The following BRINP3 variants were observed in gnomAD, a reference collection of about 807,000 sequenced individuals.
The protein encoded by BRINP3 is BMP/retinoic acid-inducible neural-specific protein 3.
In BRINP3, 19 loss-of-function variants were observed where a neutral mutation model predicts 71.0. The observed-to-expected ratio is 0.27, with a 90% CI of 0.19 to 0.39. The LOEUF (loss-of-function observed/expected upper bound fraction) is 0.39. Among genes scored for constraint, BRINP3 ranks in the 10% least tolerant of loss-of-function variants. The pLI is 1.00. For missense variants in BRINP3, 959 were observed against 940.8 expected (o/e 1.02, Z -0.25); for synonymous variants, 380 against 337.7 (o/e 1.13, Z -1.37).
chr1:190,258,997 T>C (rs767560212), intron 4 of BRINP3, among the ~76,000 whole-genome samples: 1 of 152,092 alleles, frequency 6.6e-6, no homozygotes, highest in African/African-American at 2.4e-5. Flanking sequence ...GAGATTGAAC[T>C]AATAACCAAA....
rs1165744112 is a variant in BRINP3, at chr1:190,358,401, A to C, written c.237-76651T>G. Among the ~76,000 whole-genome samples, 5 of 152,216 alleles carry C rather than the reference A, an allele frequency of 3.3e-5. No individual in the cohort carries two copies. The East Asian group carries it at 9.6e-4, about 29-fold the overall frequency. On this transcript the variant is annotated intron_variant, in intron 2 of 7. Transcript: ENST00000367462. ...GAAGACATTTATGCAGCCAACAGAC[A>C]CATGAAAAAATGCTCATCAACACTG...
chr1:190,211,531 G>A (rs987032505), intron 6 of BRINP3, among the ~76,000 whole-genome samples: 3 of 152,024 alleles, frequency 2.0e-5, no homozygotes, highest in African/African-American at 4.8e-5. Context: ...ACTCAATCAG[G>A]ATATAATATG....
chr1:190,305,502 C>T (rs542971638), intron 2 of BRINP3, among the ~76,000 whole-genome samples: 3 of 151,630 alleles, frequency 2.0e-5, no homozygotes, highest in South Asian at 2.1e-4. Context: ...GGCACAGAAA[C>T]GCATATACTG....
At chr1:190,282,874 C>G (rs1394404780) in intron 2 of BRINP3, among the ~76,000 whole-genome samples, 3 of 151,842 alleles carry the variant, frequency 2.0e-5, no homozygotes, top group Non-Finnish European at 2.9e-5. Flanking sequence ...TGAAGTGTGG[C>G]CATATTTTAC....
intron 2 of BRINP3, among the ~76,000 whole-genome samples, chr1:190,294,621 CTTTA>C (rs1419672280): frequency 1.3e-5 from 2 of 152,070 alleles, no homozygotes; most frequent in Non-Finnish European, 2.9e-5. Flanking sequence ...GTGACTGGCA[CTTTA>C]TTTAATCAAT....
intron 2 of BRINP3, among the ~76,000 whole-genome samples, chr1:190,449,723 T>C (rs1030310357): frequency 2.0e-5 from 3 of 152,172 alleles, no homozygotes; most frequent in Admixed American, 6.5e-5. Flanking sequence ...ACTGCACTGA[T>C]ATGTAGTGGT....
intron 2 of BRINP3, among the ~76,000 whole-genome samples, chr1:190,378,777 G>A (rs757778814): frequency 2.0e-5 from 3 of 152,156 alleles, no homozygotes; most frequent in Non-Finnish European, 4.4e-5. Context: ...GCAACAGTGA[G>A]TCAAGTTTGC....
At chr1:190,316,516 A>T (rs1220765331) in intron 2 of BRINP3, among the ~76,000 whole-genome samples, 1 of 152,134 alleles carries the variant, frequency 6.6e-6, no homozygotes, top group African/African-American at 2.4e-5. Context: ...ATAAGTTATG[A>T]TTATACACAG....
In BRINP3 at chr1:190,277,087, TTATA is replaced by T. The variant is rs1222129309; in HGVS notation, c.427+4469_427+4472del. Among the ~76,000 whole-genome samples, 124 of 36,032 alleles carry T rather than the reference TTATA, an allele frequency of 3.4e-3. 14 individuals are homozygous for T. Among genetic ancestry groups the T allele is most frequent in the Admixed American group, 8.7e-3 (17 of 1,954 alleles). The allele number at this position is 36,032 out of a possible 152,430, so 23.6% of individuals were successfully genotyped here. ...TTTGATCCTGAAATAAATTTTGGTT[TTATA>T]TATATATATATATATATATATATAT... On this transcript the variant is annotated intron_variant, in intron 3 of 7. Coordinates refer to ENST00000367462, the MANE Select transcript of BRINP3 (RefSeq NM_199051.3).
chr1:190,231,956 G>A (rs1658034398), intron 5 of BRINP3, among the ~76,000 whole-genome samples: 1 of 151,846 alleles, frequency 6.6e-6, no homozygotes. Context: ...AATGAAAGAG[G>A]AGAGTTTCAG....
At chr1:190,425,813 T>C (rs1673666514) in intron 2 of BRINP3, among the ~76,000 whole-genome samples, 2 of 151,792 alleles carry the variant, frequency 1.3e-5, no homozygotes, top group Admixed American at 6.6e-5. Flanking sequence ...AATGTTGATT[T>C]GTGCCTTTCT....
chr1:190,311,310 C>T (rs923419689), intron 2 of BRINP3, among the ~76,000 whole-genome samples: 1 of 151,586 alleles, frequency 6.6e-6, no homozygotes, highest in African/African-American at 2.4e-5. Context: ...ATGAGGAAAG[C>T]ATCCAAGGCT....
chr1:190,310,359 A>T (rs1175716253), intron 2 of BRINP3, among the ~76,000 whole-genome samples: 1 of 151,684 alleles, frequency 6.6e-6, no homozygotes, highest in East Asian at 1.9e-4. Context: ...TGAAAATACT[A>T]ATTTGTGATC....
intron 6 of BRINP3, among the ~76,000 whole-genome samples, chr1:190,196,546 C>T (rs995219730): frequency 2.0e-5 from 3 of 151,946 alleles, no homozygotes; most frequent in Admixed American, 1.3e-4. Context: ...CATATCTAGG[C>T]GTTAATAATG....
rs60624784 is a variant in BRINP3, at chr1:190,104,729, G to A, written c.1185-5595C>T. ...GCTCAAATTCAGGACAGACATTCTAGATGTGTAACGCTTTTCACTGAAGTA... is the reference window on the plus strand; with the variant it reads ...GCTCAAATTCAGGACAGACATTCTAAATGTGTAACGCTTTTCACTGAAGTA... On this transcript the variant is annotated intron_variant, in intron 7 of 7. Transcript: ENST00000367462. 2.0e-5 allele frequency among the ~76,000 whole-genome samples: 3 copies of A among 152,024 alleles called. No individual in the cohort carries two copies. In the South Asian group the frequency reaches 6.2e-4, roughly 32 times the overall value.
At chr1:190,149,625 TTGTGTG>T (rs71669261) in intron 7 of BRINP3, among the ~76,000 whole-genome samples, 138 of 146,602 alleles carry the variant, frequency 9.4e-4, no homozygotes, top group East Asian at 6.0e-3. Context: ...TGTTGAGTAG[TTGTGTG>T]TGTGTGTGTG....
intron 6 of BRINP3, among the ~76,000 whole-genome samples, chr1:190,212,372 T>G (rs1656062306): frequency 6.6e-6 from 1 of 152,080 alleles, no homozygotes; most frequent in Non-Finnish European, 1.5e-5. Flanking sequence ...TTTCAGCTAT[T>G]TAGTTTGGAA....
rs1466589543 is a variant in BRINP3 at position 190,265,204 on chromosome 1, A to C, written c.428-149T>G. On this transcript the variant is annotated intron_variant, in intron 3 of 7. Transcript: ENST00000367462. Reference sequence around the variant, plus strand: ...GGCAAGGGGTTTTATTTTTGGTCACAGATATTTCTCAAGTACCTCAAAAAG... The same window carrying C: ...GGCAAGGGGTTTTATTTTTGGTCACCGATATTTCTCAAGTACCTCAAAAAG... The C allele has an allele frequency of 1.0e-5, 7 of 682,078 alleles. No individual in the cohort carries two copies. The Admixed American group carries it at 2.6e-4, about 25-fold the overall frequency. 42.3% of individuals were successfully genotyped at this position (682,078 alleles called of 1,614,324 possible). A position where few individuals can be genotyped will look rare whatever the true frequency, so the allele number is the denominator to read the frequency against.
rs184847586 is a variant in BRINP3 at position 190,368,575 on chromosome 1, G to C, written c.236+86080C>G. 7.3e-4 allele frequency among the ~76,000 whole-genome samples: 111 copies of C among 152,164 alleles called. 1 individual carries two copies. The East Asian group carries it at 0.021, about 28-fold the overall frequency. On this transcript the variant is annotated intron_variant, in intron 2 of 7. Transcript: ENST00000367462. The stretch of plus-strand genomic sequence containing the variant: ...AAATAATGAAAGAATTCTTAACAGG[G>C]CCCATTTAAGATTAAACAAGTTTTA...
Sources: gnomAD v4.1 joint callset for allele counts (sites outside exome capture counted in the v4.1 genomes callset) on GRCh38, gnomAD v4.1.1 for gene constraint, MANE v1.5 for transcripts, NCBI Gene and HGNC (gene_info 2026-07-23, HGNC 2026-07-21) for gene names.